RNF114: variants seen among roughly 807,000 people sequenced by gnomAD.
RNF114 encodes the protein ring finger protein 114.
Under a neutral mutation model 28.4 loss-of-function variants are expected in RNF114, and 6 were observed. The observed-to-expected ratio is 0.21, with a 90% CI of 0.12 to 0.42. The LOEUF is 0.42. Among genes scored for constraint, RNF114 ranks in the 10% least tolerant of loss-of-function variants. The pLI, the probability that RNF114 is intolerant of heterozygous loss-of-function variation, is 1.00. For missense variants in RNF114, 249 were observed against 311.7 expected (o/e 0.80, Z 1.51); for synonymous variants, 115 against 116.7 (o/e 0.99, Z 0.09).
At chr20:49,942,217 C>T (rs1265252066) in intron 2 of RNF114, among the ~76,000 whole-genome samples, 3 of 152,026 alleles carry the variant, frequency 2.0e-5, no homozygotes, top group Non-Finnish European at 4.4e-5. Context: ...TATGATCATG[C>T]CACTGCACTC....
chr20:49,952,071 C>T lies in RNF114; in HGVS notation c.622-5C>T, dbSNP rs371512496. 5.3e-5 allele frequency: 86 copies of T among 1,612,184 alleles called. No individual in the cohort carries two copies. Among genetic ancestry groups the T allele is most frequent in the Non-Finnish European group, 4.3e-5 (51 of 1,178,598 alleles). ...CTGAGGCTGCATGTCTCTTTTTGCC[C>T]TTAGGATTATGATGTTGATGAAGAG... On this transcript the variant is annotated splice_region_variant and splice_polypyrimidine_tract_variant and intron_variant, in intron 5 of 5. Coordinates refer to ENST00000244061, the MANE Select transcript of RNF114 (RefSeq NM_018683.4).
intron 4 of RNF114, among the ~76,000 whole-genome samples, chr20:49,946,734 G>T (rs916388918): frequency 6.6e-6 from 1 of 152,102 alleles, no homozygotes; most frequent in Non-Finnish European, 1.5e-5. Context: ...GATGTCTGTT[G>T]TTGGTAACAT....
At position 49,952,548 on chromosome 20, in the gene RNF114, G is replaced by T. The variant is rs914673658; in HGVS notation, c.*407G>T. 1 of 320,730 alleles carries T rather than the reference G, an allele frequency of 3.1e-6. No homozygotes were observed. The highest frequency in any genetic ancestry group is 5.7e-6 in the Non-Finnish European group (1 of 174,526). 19.9% of individuals were successfully genotyped at this position (320,730 alleles called of 1,614,324 possible). A position where few individuals can be genotyped will look rare whatever the true frequency, so the allele number is the denominator to read the frequency against. ...TCATGAATAGCACAATGAAGCAAGT[G>T]TCTCCTTTCCTTGTCCCCAAGGTGT... On this transcript the variant is annotated 3_prime_UTR_variant, in exon 6 of 6. Transcript: ENST00000244061.
At chr20:49,940,574 C>G (rs906465061) in intron 1 of RNF114, among the ~76,000 whole-genome samples, 20 of 152,082 alleles carry the variant, frequency 1.3e-4, no homozygotes, top group Admixed American at 1.1e-3. Flanking sequence ...GCCACCACTC[C>G]CAGCTAATTT....
At chr20:49,939,013 G>C (rs1459658802) in intron 1 of RNF114, among the ~76,000 whole-genome samples, 1 of 152,092 alleles carries the variant, frequency 6.6e-6, no homozygotes, top group East Asian at 1.9e-4. Context: ...GGCCCCCAAG[G>C]TCTGCCTGCC....
In RNF114 at chr20:49,952,657, G is replaced by T. The variant is rs1326098456; in HGVS notation, c.*516G>T. On this transcript the variant is annotated 3_prime_UTR_variant, in exon 6 of 6. Coordinates refer to ENST00000244061, the MANE Select transcript of RNF114 (RefSeq NM_018683.4). ...TGCCAGAAGCTGGGGTTGCCATCCC[G>T]GGGTACATGTCACCAGTCCTCTTGG... The T allele has an allele frequency of 1.7e-5, 3 of 178,344 alleles. No individual in the cohort carries two copies. The highest frequency in any genetic ancestry group is 7.1e-5 in the African/African-American group (3 of 42,432). 11.0% of individuals were successfully genotyped at this position (178,344 alleles called of 1,614,324 possible). A position where few individuals can be genotyped will look rare whatever the true frequency, so the allele number is the denominator to read the frequency against.
chr20:49,945,569 G>C (rs1170134515), intron 3 of RNF114, 81 bp downstream of exon 3: 8 of 768,474 alleles, frequency 1.0e-5, no homozygotes, highest in African/African-American at 5.2e-5. Flanking sequence ...GGGTTTAGTT[G>C]TATGAATTGT....
At chr20:49,947,365 T>A (rs2090336901) in intron 4 of RNF114, among the ~76,000 whole-genome samples, 1 of 152,168 alleles carries the variant, frequency 6.6e-6, no homozygotes, top group African/African-American at 2.4e-5. Flanking sequence ...TATCTCATAC[T>A]GCTTCTCTTG....
At chr20:49,947,769 G>GTTTTTTTTTGTTTTGTTTTTT (rs2090338798) in intron 4 of RNF114, among the ~76,000 whole-genome samples, 1 of 50,422 alleles carries the variant, frequency 2.0e-5, no homozygotes, top group African/African-American at 8.4e-5. Context: ...CCCTCTGCAA[G>GTTTTTTTTTGTTTTGTTTTTT]TTTTTTTTTT....
rs143345205 is a variant in RNF114, at chr20:49,938,967, A to G, written c.140+2415A>G. ...AGGCCCTGCCTGTCTCTACTGCCTC[A>G]TCACTTGCCCTTCTCACCATGGTCT... On this transcript the variant is annotated intron_variant, in intron 1 of 5. Coordinates refer to ENST00000244061, the MANE Select transcript of RNF114 (RefSeq NM_018683.4). 6.6e-3 allele frequency among the ~76,000 whole-genome samples: 1,002 copies of G among 152,306 alleles called. 10 individuals carry two copies. The highest frequency in any genetic ancestry group is 0.022 in the African/African-American group (930 of 41,564).
rs542872280 is a variant in RNF114, at chr20:49,937,068, G to A, written c.140+516G>A. 7.9e-5 allele frequency among the ~76,000 whole-genome samples: 12 copies of A among 152,346 alleles called. No individual in the cohort carries two copies. The South Asian group carries it at 1.9e-3, about 24-fold the overall frequency. ...GGCCAGTTTGCCCTTAGCTGTGAAA[G>A]GGGGGTGGGAGTTGGCAGATGGGAT... On this transcript the variant is annotated intron_variant, in intron 1 of 5. Coordinates refer to ENST00000244061, the MANE Select transcript of RNF114 (RefSeq NM_018683.4).
At chr20:49,941,515 T>G (rs760886444) in intron 1 of RNF114, 46 bp from the exon 2 acceptor site, 20 of 1,526,974 alleles carry the variant, frequency 1.3e-5, no homozygotes, top group Non-Finnish European at 1.8e-5. Flanking sequence ...TTTGTCGTCT[T>G]GTCTCCATGA....
Position 49,952,238 on chromosome 20 carries a change from C to T in RNF114, c.*97C>T. The T allele has an allele frequency of 9.1e-7, 1 of 1,101,634 alleles. No individual in the cohort carries two copies. The highest frequency in any genetic ancestry group is 1.4e-6 in the Non-Finnish European group (1 of 716,598). The allele number at this position is 1,101,634 out of a possible 1,614,324, so 68.2% of individuals were successfully genotyped here. A position where few individuals can be genotyped will look rare whatever the true frequency, so the allele number is the denominator to read the frequency against. On this transcript the variant is annotated 3_prime_UTR_variant, in exon 6 of 6. Transcript: ENST00000244061. ...TCCTGTACCTTACCTGTTCAACAGA[C>T]CTGAAAATGAGCCATGGCATTGGGA...
intron 3 of RNF114, among the ~76,000 whole-genome samples, chr20:49,945,735 A>T (rs1232002062): frequency 6.6e-6 from 1 of 152,120 alleles, no homozygotes; most frequent in Non-Finnish European, 1.5e-5. Flanking sequence ...GTGCAATCTC[A>T]GCTCACTGCA....
In RNF114 at chr20:49,952,986, A is replaced by G. The variant is rs2090361397; in HGVS notation, c.*845A>G. ...CCTCTCCATTTGGGAGCCTGCCTAC[A>G]TTCTTGTTCTAGAAGCACAAAAAAT... On this transcript the variant is annotated 3_prime_UTR_variant, in exon 6 of 6. Coordinates refer to ENST00000244061, the MANE Select transcript of RNF114 (RefSeq NM_018683.4). 6.6e-6 allele frequency: 1 copy of G among 152,350 alleles called. No individual in the cohort carries two copies. The highest frequency in any genetic ancestry group is 6.6e-5 in the Admixed American group (1 of 15,266). The allele number at this position is 152,350 out of a possible 1,614,324, so 9.4% of individuals were successfully genotyped here.
intron 5 of RNF114, among the ~76,000 whole-genome samples, chr20:49,950,852 G>A (rs2090352737): frequency 6.6e-6 from 1 of 152,166 alleles, no homozygotes; most frequent in Admixed American, 6.5e-5. Flanking sequence ...CTATGGAAAT[G>A]CAGGCGCAGC....
chr20:49,936,462 C>A lies in RNF114; in HGVS notation c.50C>A (p.Pro17Gln), dbSNP rs764103217. The A allele has an allele frequency of 6.5e-6, 10 of 1,549,832 alleles. No homozygotes were observed. Among genetic ancestry groups the A allele is most frequent in the Non-Finnish European group, 8.7e-6 (10 of 1,148,948 alleles). The part of the protein sequence containing the change: ...DCGGAAQLAG[P>Q]AAEADPLGRF... ...GGGGGTGCTGCGCAGCTGGCGGGGC[C>A]GGCGGCGGAGGCTGACCCCCTAGGA... The change falls in exon 1 of 6, where the codon CCG becomes CAG. Residue 17 changes from proline (P) to glutamine (Q), a missense_variant. By Grantham distance (76) the Pro-to-Gln change is moderately conservative. Around this residue, in one of 2 missense-constraint regions of RNF114, gnomAD observed 123 missense variants for 106.4 expected, o/e 1.16. Coordinates refer to ENST00000244061, the MANE Select transcript of RNF114 (RefSeq NM_018683.4).
intron 2 of RNF114, 57 bp downstream of exon 2, chr20:49,941,768 C>T (rs117615429): frequency 0.022 from 34,170 of 1,568,340 alleles, 449 homozygotes; most frequent in Middle Eastern, 0.027. Flanking sequence ...TGGGGTAAAA[C>T]GTACAGCTGC....
At chr20:49,945,348 A>G (rs751076679) in intron 2 of RNF114, 34 bp from the exon 3 acceptor site, 20 of 1,424,896 alleles carry the variant, frequency 1.4e-5, no homozygotes, top group Non-Finnish European at 1.8e-5. Context: ...CAAGGTCCTC[A>G]CTAACTTATG....
Sources: allele counts gnomAD v4.1 joint callset (sites outside exome capture counted in the v4.1 genomes callset), GRCh38; gene constraint gnomAD v4.1.1; regional missense constraint gnomAD v4.1.1; transcripts MANE v1.5; gene names NCBI Gene and HGNC (gene_info 2026-07-23, HGNC 2026-07-21).